The following LOXL3 variants were observed in gnomAD, a reference collection of about 807,000 sequenced individuals.
The protein encoded by LOXL3 is lysyl oxidase like 3.
Under a neutral mutation model 91.8 loss-of-function variants are expected in LOXL3, and 60 were observed. The ratio of observed to expected loss-of-function variants is 0.65; its 90% CI spans 0.53 to 0.81. LOXL3 has a LOEUF of 0.81. Among genes scored for constraint, LOXL3 ranks in the 30% least tolerant of loss-of-function variants. The pLI is 0.00. For missense variants in LOXL3, 874 were observed against 1,000.4 expected (o/e 0.87, Z 1.70); for synonymous variants, 355 against 387.6 (o/e 0.92, Z 0.99).
rs954722011 is a variant in LOXL3 at position 74,533,484 on chromosome 2, C to T, written c.*122G>A. On this transcript the variant is annotated 3_prime_UTR_variant, in exon 14 of 14. Coordinates refer to ENST00000264094, the MANE Select transcript of LOXL3 (RefSeq NM_032603.5). ...AACTTCTGCTTGACAGTTCCACATC[C>T]ATAGTGCATGGTCTGATGAGTGCGG... The T allele has an allele frequency of 3.8e-6, 3 of 788,514 alleles. No homozygotes were observed. In the African/African-American group the frequency reaches 5.2e-5, roughly 14 times the overall value. 48.8% of individuals were successfully genotyped at this position (788,514 alleles called of 1,614,324 possible).
Position 74,549,279 on chromosome 2 carries a change from G to A in LOXL3, c.692+90C>T. On this transcript the variant is annotated intron_variant, in intron 4 of 13. Transcript: ENST00000264094. The surrounding 1 kb of genome is among the most constrained non-coding windows in gnomAD (Gnocchi z 5.3). ...CGTCCCGACCCCCGGGTCCTCCCGT[G>A]CCCCGGACCTGCTCAGATGTCTCCC... The A allele has an allele frequency of 7.2e-7, 1 of 1,385,086 alleles. No homozygotes were observed. The highest frequency in any genetic ancestry group is 9.5e-7 in the Non-Finnish European group (1 of 1,054,722). 85.8% of individuals were successfully genotyped at this position (1,385,086 alleles called of 1,614,324 possible).
Position 74,532,778 on chromosome 2 carries a change from C to A in LOXL3, c.*828G>T. On this transcript the variant is annotated 3_prime_UTR_variant, in exon 14 of 14. Coordinates refer to ENST00000264094, the MANE Select transcript of LOXL3 (RefSeq NM_032603.5). ...GGTGTGCATGTGTCCTTGAACTAGG[C>A]TTTGTACTCCTTCCTTTCTCTCTGT... is the stretch of plus-strand genomic sequence containing the variant. 6.2e-7 allele frequency: 1 copy of A among 1,613,516 alleles called. No individual in the cohort carries two copies.
upstream of LOXL3, chr2:74,554,965 G>A (rs1477987156): frequency 6.9e-7 from 1 of 1,443,340 alleles, no homozygotes; most frequent in Non-Finnish European, 9.5e-7. This position sits in a 1 kb window ranked among gnomAD's most constrained non-coding sequence, Gnocchi z 4.9. Flanking sequence ...ACACTCCCGG[G>A]AAGCGTCTGT....
At position 74,533,887 on chromosome 2, in the gene LOXL3, T is replaced by A; in HGVS notation, c.2183A>T (p.His728Leu). Reference sequence around the variant, plus strand: ...TTGCTCTTCCCATCAAATACCAATGTGGCAGTTGTGCACCCAGATTCTATG... The same window carrying A: ...TTGCTCTTCCCATCAAATACCAATGAGGCAGTTGTGCACCCAGATTCTATG... ...DGHRIWVHNC[H>L]IGDAFSEEAN... The change falls in exon 13 of 14, where the codon CAC (histidine) becomes CTC (leucine). Residue 728 changes from histidine to leucine, a missense_variant. Transcript: ENST00000264094. 6.2e-7 allele frequency: 1 copy of A among 1,612,254 alleles called. No homozygotes were observed.
At position 74,550,072 on chromosome 2, in the gene LOXL3, C is replaced by T. The variant is rs559192920; in HGVS notation, c.477+113G>A. 53 of 1,483,622 alleles carry T rather than the reference C, an allele frequency of 3.6e-5. No individual in the cohort carries two copies. In the South Asian group the frequency reaches 6.4e-4, roughly 18 times the overall value. 91.9% of individuals were successfully genotyped at this position (1,483,622 alleles called of 1,614,324 possible). ...ATCATTTGCTTTTCCAAGTCTCCCA[C>T]CAATCCAAATGATCCCCCAGGGGTA... is the stretch of plus-strand genomic sequence containing the variant. On this transcript the variant is annotated intron_variant, in intron 3 of 13. Coordinates refer to ENST00000264094, the MANE Select transcript of LOXL3 (RefSeq NM_032603.5).
At chr2:74,554,090 G>A (rs1677209512), upstream of LOXL3, 1 of 152,208 alleles carries the variant, frequency 6.6e-6, no homozygotes, top group Non-Finnish European at 1.5e-5. The surrounding 1 kb of genome is among the most constrained non-coding windows in gnomAD (Gnocchi z 4.9). Context: ...CTCCTCCTCT[G>A]GGTCCTCCCT....
chr2:74,537,048 CCTCTT>C lies in LOXL3; in HGVS notation c.693-125_693-121del, dbSNP rs1035388212. The C allele has an allele frequency of 6.7e-6, 5 of 741,824 alleles. No individual in the cohort carries two copies. The African/African-American group carries it at 8.8e-5, about 13-fold the overall frequency. The allele number at this position is 741,824 out of a possible 1,614,324, so 46.0% of individuals were successfully genotyped here. On this transcript the variant is annotated intron_variant, in intron 4 of 13. Transcript: ENST00000264094. ...CCCACCCTTTTGTGACCATTTATCT[CCTCTT>C]CTTCCCCCTTCCATGTTTCCCTCGG...
At chr2:74,548,206 T>C (rs1424841465) in intron 4 of LOXL3, among the ~76,000 whole-genome samples, 4 of 152,340 alleles carry the variant, frequency 2.6e-5, no homozygotes, top group East Asian at 3.9e-4. Context: ...AAATGACAGA[T>C]GGAAAGTCAC....
At chr2:74,542,785 C>A (rs957774803) in intron 4 of LOXL3, among the ~76,000 whole-genome samples, 5 of 152,086 alleles carry the variant, frequency 3.3e-5, no homozygotes, top group Non-Finnish European at 7.4e-5. Context: ...CCACCACAGC[C>A]AGCTAATTTT....
intron 4 of LOXL3, among the ~76,000 whole-genome samples, chr2:74,542,934 T>G (rs1676405151): frequency 6.6e-6 from 1 of 152,128 alleles, no homozygotes; most frequent in Admixed American, 6.6e-5. Flanking sequence ...CTCCTCTTAC[T>G]CATTTTTCAA....
At chr2:74,547,593 TC>T (rs995501292) in intron 4 of LOXL3, among the ~76,000 whole-genome samples, 6 of 151,864 alleles carry the variant, frequency 4.0e-5, no homozygotes, top group African/African-American at 1.2e-4. Flanking sequence ...GAAAGACATT[TC>T]AGATGAGCCT....
chr2:74,542,365 A>G (rs943706886), intron 4 of LOXL3, among the ~76,000 whole-genome samples: 1 of 152,160 alleles, frequency 6.6e-6, no homozygotes, highest in South Asian at 2.1e-4. Context: ...CTACATTTGC[A>G]TATCCTCTTC....
chr2:74,544,548 C>T (rs1381941115), intron 4 of LOXL3, among the ~76,000 whole-genome samples: 1 of 152,180 alleles, frequency 6.6e-6, no homozygotes, highest in Non-Finnish European at 1.5e-5. Context: ...TTAAATAGCA[C>T]TGAAGCTCTT....
At position 74,535,722 on chromosome 2, in the gene LOXL3, C is replaced by T; in HGVS notation, c.1282G>A (p.Gly428Arg). The change falls in exon 8 of 14, where the codon GGG (glycine) becomes AGG (arginine). Residue 428 changes from glycine (G) to arginine (R), a missense_variant. By Grantham distance (125) the Gly-to-Arg change is moderately radical. Coordinates refer to ENST00000264094, the MANE Select transcript of LOXL3 (RefSeq NM_032603.5). The surrounding 1 kb of genome is among the most constrained non-coding windows in gnomAD (Gnocchi z 4.2). ...CCCCCTATTTGCACCTCGACTCGCC[C>T]CTCATGTTGGCTGCGGCCCCCACTG... ...RLSGGRSQHE[G>R]RVEVQIGGPG... The T allele has an allele frequency of 6.3e-7, 1 of 1,593,350 alleles. No homozygotes were observed. The highest frequency in any genetic ancestry group is 8.5e-7 in the Non-Finnish European group (1 of 1,172,932).
chr2:74,551,110 T>G (rs557635303), intron 2 of LOXL3, among the ~76,000 whole-genome samples: 2 of 152,270 alleles, frequency 1.3e-5, no homozygotes, highest in South Asian at 4.1e-4. Context: ...TTTTTGTATT[T>G]GTAGTAGAGA....
intron 4 of LOXL3, chr2:74,539,864 C>T (rs1676224680): frequency 6.5e-6 from 1 of 152,724 alleles, no homozygotes; most frequent in Non-Finnish European, 1.5e-5. Context: ...GAGGATAAGA[C>T]AACAGTAGTC....
intron 9 of LOXL3, 45 bp from the exon 10 acceptor site, chr2:74,534,819 C>G (rs1263126580): frequency 6.3e-7 from 1 of 1,591,402 alleles, no homozygotes; most frequent in African/African-American, 1.3e-5. Flanking sequence ...CTGCTGACTT[C>G]ACAGAGAGGG....
chr2:74,540,343 G>T (rs1315399126), intron 4 of LOXL3, among the ~76,000 whole-genome samples: 1 of 152,196 alleles, frequency 6.6e-6, no homozygotes, highest in African/African-American at 2.4e-5. Flanking sequence ...AGCATCGTTA[G>T]GATTGTTAAG....
rs753208381 is a variant in LOXL3, at chr2:74,536,468, G to A, written c.916C>T (p.Arg306Cys). The change falls in exon 6 of 14, where the codon CGT (arginine) becomes TGT (cysteine). Residue 306 changes from arginine (R) to cysteine (C), a missense_variant. Transcript: ENST00000264094. This position sits in a 1 kb window ranked among gnomAD's most constrained non-coding sequence, Gnocchi z 4.5. ...QQQSKPQGEARVRLKGGAHPG... is the reference protein window; with the variant it reads ...QQQSKPQGEACVRLKGGAHPG... Reference sequence around the variant, plus strand: ...TGGGCGCCGCCCTTTAGACGGACACGGGCCTATAGAAGAGAGAAGTGCCCA... The same window carrying A: ...TGGGCGCCGCCCTTTAGACGGACACAGGCCTATAGAAGAGAGAAGTGCCCA... 8.1e-6 allele frequency: 13 copies of A among 1,612,166 alleles called. No homozygotes were observed. The highest frequency in any genetic ancestry group is 4.0e-5 in the African/African-American group (3 of 74,844).
Sources: gnomAD v4.1 joint callset for allele counts (sites outside exome capture counted in the v4.1 genomes callset) on GRCh38, gnomAD v4.1.1 for gene constraint, Gnocchi (gnomAD v3.1) non-coding constraint, MANE v1.5 for transcripts, NCBI Gene and HGNC (gene_info 2026-07-23, HGNC 2026-07-21) for gene names.